Variants in NCOA3 observed in about 807,000 individuals in gnomAD.
NCOA3 encodes nuclear receptor coactivator 3, also known as CBP-interacting protein.
NCOA3 carries 51 observed loss-of-function variants against 158.8 expected under a neutral mutation model. That is an observed-to-expected ratio of 0.32 (90% confidence interval 0.26 to 0.41). The LOEUF (loss-of-function observed/expected upper bound fraction) is 0.41, where lower values mean the gene tolerates loss of function less well. Ranked by LOEUF, NCOA3 falls within the 10% of genes least tolerant of loss-of-function variation. The pLI, the probability that NCOA3 is intolerant of heterozygous loss-of-function variation, is 1.00. For missense variants in NCOA3, 1,510 were observed against 1,746.6 expected, an observed-to-expected ratio of 0.86 and a Z score of 2.41; for synonymous variants, 537 against 592.4, an observed-to-expected ratio of 0.91 and a Z score of 1.36.
intron 1 of NCOA3, among the ~76,000 whole-genome samples, chr20:47,562,647 G>GA (rs1287835826): frequency 2.6e-5 from 4 of 152,132 alleles, no homozygotes; most frequent in South Asian, 4.2e-4. Flanking sequence ...AACGGCCTAG[G>GA]AATGTATATA....
intron 1 of NCOA3, among the ~76,000 whole-genome samples, chr20:47,544,469 CCTGA>C (rs1184848524): frequency 1.3e-5 from 2 of 151,480 alleles, no homozygotes; most frequent in African/African-American, 4.8e-5. Flanking sequence ...TGTCAGCATG[CCTGA>C]CTAATTGTTG....
At chr20:47,512,533 A>G (rs1018844230) in intron 1 of NCOA3, among the ~76,000 whole-genome samples, 5 of 150,404 alleles carry the variant, frequency 3.3e-5, no homozygotes, top group Non-Finnish European at 5.9e-5. Context: ...GCGCCACTGC[A>G]CTCGAACGTG....
intron 17 of NCOA3, 33 bp from the exon 18 acceptor site, chr20:47,647,040 T>C: frequency 1.9e-6 from 3 of 1,581,672 alleles, no homozygotes; most frequent in Non-Finnish European, 2.6e-6. Flanking sequence ...TTCATAGATG[T>C]TCTTCACTGT....
At chr20:47,632,732 G>A (rs532155232) in intron 8 of NCOA3, among the ~76,000 whole-genome samples, 140 of 149,810 alleles carry the variant, frequency 9.3e-4, no homozygotes, top group African/African-American at 3.3e-3. Context: ...TGCCAGGCCG[G>A]AGTGCGGTGG....
intron 17 of NCOA3, among the ~76,000 whole-genome samples, chr20:47,644,360 C>T (rs970112447): frequency 1.6e-4 from 25 of 152,090 alleles, no homozygotes; most frequent in African/African-American, 4.6e-4. Context: ...AGGATGGTCT[C>T]GATCCCCTGA....
chr20:47,626,874 T>C, intron 5 of NCOA3, 128 bp from the exon 6 acceptor site: 8 of 786,042 alleles, frequency 1.0e-5, no homozygotes, highest in Non-Finnish European at 1.4e-5. Context: ...CATTTATCTT[T>C]AATTACCTCC....
chr20:47,593,776 A>G (rs759318737), intron 2 of NCOA3, among the ~76,000 whole-genome samples: 2 of 152,242 alleles, frequency 1.3e-5, no homozygotes, highest in Non-Finnish European at 2.9e-5. Flanking sequence ...GTGCCTTTAT[A>G]TAAACATTTT....
intron 1 of NCOA3, among the ~76,000 whole-genome samples, chr20:47,536,225 TC>T (rs1229970801): frequency 1.3e-5 from 2 of 152,298 alleles, no homozygotes; most frequent in Non-Finnish European, 2.9e-5. Context: ...AGCACTTACT[TC>T]CCTGCCCTTC....
chr20:47,646,888 T>C (rs1244742709), intron 17 of NCOA3, among the ~76,000 whole-genome samples, 185 bp from the exon 18 acceptor site: 2 of 152,238 alleles, frequency 1.3e-5, no homozygotes, highest in Non-Finnish European at 2.9e-5. Flanking sequence ...CTTCTTTTTC[T>C]GTCACCTGTG....
At chr20:47,505,319 CA>C (rs34490747) in intron 1 of NCOA3, among the ~76,000 whole-genome samples, 1 of 152,088 alleles carries the variant, frequency 6.6e-6, no homozygotes, top group East Asian at 1.9e-4. Flanking sequence ...CTTGGCCTCC[CA>C]AAGTGCTGGG....
Position 47,648,885 on chromosome 20 carries a change from A to C in NCOA3, c.3547-120A>C, listed in dbSNP as rs1318924087. The C allele has an allele frequency of 2.3e-5, 14 of 621,214 alleles. No homozygotes were observed. In the East Asian group the frequency reaches 3.6e-4, roughly 16 times the overall value. 38.5% of individuals were successfully genotyped at this position (621,214 alleles called of 1,614,324 possible). ...AAAGTACTGGTTCAGTTTAGACGTG[A>C]CTTAGCCAGGTTATTGTGTTTGGAG... On this transcript the variant is annotated intron_variant, in intron 18 of 22. Transcript: ENST00000371998.
chr20:47,595,103 CTT>C (rs112571784), intron 2 of NCOA3, among the ~76,000 whole-genome samples: 2 of 129,356 alleles, frequency 1.5e-5, no homozygotes, highest in Non-Finnish European at 1.6e-5. Flanking sequence ...TTAAAATGAC[CTT>C]TTTTTTTTTT....
intron 2 of NCOA3, among the ~76,000 whole-genome samples, chr20:47,603,057 C>T (rs2085887907): frequency 1.3e-5 from 2 of 152,172 alleles, no homozygotes; most frequent in South Asian, 2.1e-4. Flanking sequence ...AATAAGAGTT[C>T]CGTTTCTACA....
intron 4 of NCOA3, among the ~76,000 whole-genome samples, chr20:47,624,590 C>T (rs2086292718): frequency 6.6e-6 from 1 of 152,104 alleles, no homozygotes; most frequent in Non-Finnish European, 1.5e-5. Flanking sequence ...TGTGCAGCCC[C>T]ATTCCTAACA....
intron 11 of NCOA3, 34 bp downstream of exon 11, chr20:47,635,747 CTTTTT>C: frequency 6.4e-7 from 1 of 1,562,840 alleles, no homozygotes; most frequent in Non-Finnish European, 8.6e-7. Context: ...TATTTTTTTT[CTTTTT>C]AAGTAATTAT....
intron 1 of NCOA3, among the ~76,000 whole-genome samples, chr20:47,535,245 G>A (rs2084613639): frequency 6.6e-6 from 1 of 152,198 alleles, no homozygotes; most frequent in African/African-American, 2.4e-5. Context: ...GGAGCATGCA[G>A]ACGGACAGGT....
At chr20:47,600,492 A>G (rs2085842760) in intron 2 of NCOA3, among the ~76,000 whole-genome samples, 1 of 149,574 alleles carries the variant, frequency 6.7e-6, no homozygotes, top group Non-Finnish European at 1.5e-5. Context: ...ATAATTTTAA[A>G]AGCTTAAATG....
intron 2 of NCOA3, among the ~76,000 whole-genome samples, chr20:47,617,943 A>G (rs2086165595): frequency 6.6e-6 from 1 of 152,156 alleles, no homozygotes; most frequent in South Asian, 2.1e-4. Flanking sequence ...TTCCTAAAAA[A>G]CCCAAGATAG....
chr20:47,562,607 ATTAG>A (rs2085126002), intron 1 of NCOA3, among the ~76,000 whole-genome samples: 1 of 151,910 alleles, frequency 6.6e-6, no homozygotes, highest in Admixed American at 6.6e-5. Flanking sequence ...GCTTTAAGGA[ATTAG>A]TTAGGGTTTG....
Sources: allele counts gnomAD v4.1 joint callset (sites outside exome capture counted in the v4.1 genomes callset), GRCh38; gene constraint gnomAD v4.1.1; transcripts MANE v1.5; gene names NCBI Gene and HGNC (gene_info 2026-07-23, HGNC 2026-07-21).